The following EIF4G2 variants were observed in gnomAD, a reference collection of about 807,000 sequenced individuals.
EIF4G2 encodes DAP-5.
Under a neutral mutation model 117.7 loss-of-function variants are expected in EIF4G2, and 8 were observed. The observed-to-expected ratio is 0.07, with a 90% CI of 0.04 to 0.12. EIF4G2 has a LOEUF of 0.12. Ranked by LOEUF, EIF4G2 falls within the 10% of genes least tolerant of loss-of-function variation. EIF4G2 has a pLI of 1.00. For synonymous variants in EIF4G2, 413 were observed against 367.8 expected, an observed-to-expected ratio of 1.12 and a Z score of -1.41; for missense variants, 812 against 1,086.2, an observed-to-expected ratio of 0.75 and a Z score of 3.55.
intron 1 of EIF4G2, chr11:10,807,833 A>C: frequency 1.0e-6 from 1 of 989,988 alleles, no homozygotes; most frequent in South Asian, 4.5e-5. Flanking sequence ...CCCCGTGGAG[A>C]GCTCGTGGAA....
chr11:10,806,230 T>C (rs1341238863), intron 3 of EIF4G2, 183 bp from the exon 4 acceptor site: 4 of 788,504 alleles, frequency 5.1e-6, no homozygotes, highest in Non-Finnish European at 2.0e-6. Context: ...GGCTTGTTAA[T>C]ACAGATTGCT....
At chr11:10,804,488 C>T in intron 5 of EIF4G2, 70 bp from the exon 6 acceptor site, 3 of 1,507,882 alleles carry the variant, frequency 2.0e-6, no homozygotes, top group Non-Finnish European at 2.7e-6. Flanking sequence ...AGGAAAAATA[C>T]AACCACCTAA....
intron 11 of EIF4G2, 35 bp from the exon 12 acceptor site, chr11:10,802,470 CTG>C (rs747799818): frequency 6.6e-7 from 1 of 1,521,136 alleles, no homozygotes; most frequent in Non-Finnish European, 8.8e-7. Context: ...CTTTTTGTCT[CTG>C]GACACTATTT....
At chr11:10,799,901 C>G in intron 18 of EIF4G2, 145 bp from the exon 19 acceptor site, 1 of 1,181,592 alleles carries the variant, frequency 8.5e-7, no homozygotes, top group Non-Finnish European at 1.2e-6. Context: ...ATGAAAAAAA[C>G]TCAACATACG....
At chr11:10,808,491 A>C in intron 1 of EIF4G2, 1 of 1,245,938 alleles carries the variant, frequency 8.0e-7, no homozygotes, top group Non-Finnish European at 1.0e-6. Flanking sequence ...CGGCCTGGCC[A>C]ACACTGACGT....
At position 10,797,568 on chromosome 11, in the gene EIF4G2, T is replaced by C. The variant is rs1804174231; in HGVS notation, c.*248A>G. ...TGCCTCTGCTTGAGAACTTATGATGTAATTATTGCATGCTGCTAATATACT... is the reference window on the plus strand; with the variant it reads ...TGCCTCTGCTTGAGAACTTATGATGCAATTATTGCATGCTGCTAATATACT... On this transcript the variant is annotated 3_prime_UTR_variant, in exon 22 of 22. Coordinates refer to ENST00000339995, the MANE Select transcript of EIF4G2 (RefSeq NM_001418.4). This position sits in a 1 kb window ranked among gnomAD's most constrained non-coding sequence, Gnocchi z 4.5. 6.5e-6 allele frequency: 3 copies of C among 459,062 alleles called. No individual in the cohort carries two copies. The highest frequency in any genetic ancestry group is 1.2e-5 in the Non-Finnish European group (3 of 256,888). 28.4% of individuals were successfully genotyped at this position (459,062 alleles called of 1,614,324 possible).
chr11:10,805,077 T>C lies in EIF4G2; in HGVS notation c.249-62A>G, dbSNP rs1590044094. The C allele has an allele frequency of 2.3e-6, 3 of 1,292,612 alleles. No homozygotes were observed. In the East Asian group the frequency reaches 7.0e-5, roughly 30 times the overall value. The allele number at this position is 1,292,612 out of a possible 1,614,324, so 80.1% of individuals were successfully genotyped here. On this transcript the variant is annotated intron_variant, in intron 4 of 21. Transcript: ENST00000339995. ...ATACACAGAATTTGAATTGAAAAAC[T>C]GCTTTTAAATTATACTGATTTTTCT...
In EIF4G2 at chr11:10,797,886, AAATT is replaced by A. The variant is rs1312141353; in HGVS notation, c.2659-9_2659-6del. On this transcript the variant is annotated splice_polypyrimidine_tract_variant and splice_region_variant and intron_variant, in intron 21 of 21. Transcript: ENST00000339995. This position sits in a 1 kb window ranked among gnomAD's most constrained non-coding sequence, Gnocchi z 4.5. ...CCAGGTTAGCCACTGATTCACCTAT[AAATT>A]AAGATTTGTAAATTAAAATAGTTCA... 1 of 1,612,946 alleles carries A rather than the reference AAATT, an allele frequency of 6.2e-7. No individual in the cohort carries two copies. Among genetic ancestry groups the A allele is most frequent in the Non-Finnish European group, 8.5e-7 (1 of 1,179,586 alleles).
chr11:10,799,853 T>C (rs866868764), intron 18 of EIF4G2, 97 bp from the exon 19 acceptor site: 5 of 1,401,728 alleles, frequency 3.6e-6, no homozygotes, highest in Middle Eastern at 3.7e-4. Flanking sequence ...CCCAAGTATG[T>C]AAGATCCATG....
Position 10,802,382 on chromosome 11 carries a change from G to C in EIF4G2, c.1050C>G (p.Phe350Leu). ...GTGGCATGAACGGTCCCTCCAGAAA[G>C]AAGTCACTTCTCATCCCTTGAGCCA... Residue 350 changes from phenylalanine to leucine, a missense_variant, in exon 12 of 22, where the codon TTC becomes TTG. Transcript: ENST00000339995. The C allele has an allele frequency of 6.2e-7, 1 of 1,613,842 alleles. No homozygotes were observed.
intron 3 of EIF4G2, chr11:10,806,535 TA>T: frequency 4.9e-6 from 2 of 408,860 alleles, no homozygotes; most frequent in South Asian, 6.9e-5. Context: ...ACTACTTTAC[TA>T]ATAACAATCA....
At chr11:10,801,509 A>T in intron 14 of EIF4G2, 152 bp downstream of exon 14, 1 of 830,776 alleles carries the variant, frequency 1.2e-6, no homozygotes, top group Non-Finnish European at 2.1e-6. Flanking sequence ...GACGCTGGAC[A>T]TTCAAAGAAA....
At chr11:10,807,778 C>T in intron 1 of EIF4G2, 1 of 991,192 alleles carries the variant, frequency 1.0e-6, no homozygotes, top group Non-Finnish European at 1.2e-6. Flanking sequence ...GAGGTCTCTC[C>T]GAAAGCTCTT....
chr11:10,804,648 G>C lies in EIF4G2; in HGVS notation c.352-230C>G, dbSNP rs185046810. The C allele has an allele frequency of 2.5e-4, 154 of 613,864 alleles. 1 individual carries two copies. The highest frequency in any genetic ancestry group is 2.4e-3 in the African/African-American group (133 of 54,480). The allele number at this position is 613,864 out of a possible 1,614,324, so 38.0% of individuals were successfully genotyped here. On this transcript the variant is annotated intron_variant, in intron 5 of 21. Transcript: ENST00000339995. Reference sequence around the variant, plus strand: ...CAATGCATTTCCAAGACCTAAATACGGTGTTTTCCACAAAAGAAAAAGAAC... The same window carrying C: ...CAATGCATTTCCAAGACCTAAATACCGTGTTTTCCACAAAAGAAAAAGAAC...
Position 10,800,192 on chromosome 11 carries a change from G to C in EIF4G2, c.2017C>G (p.Leu673Val), listed in dbSNP as rs1847378455. Residue 673 changes from leucine to valine, a missense_variant, in exon 18 of 22, where the codon CTC (leucine) becomes GTC (valine). Physicochemically the swap from Leu to Val is conservative, Grantham distance 32 (BLOSUM62 1). This residue lies in a region of EIF4G2 where 571 missense variants were observed against 642.3 expected (regional missense o/e 0.89). Coordinates refer to ENST00000339995, the MANE Select transcript of EIF4G2 (RefSeq NM_001418.4). Reference sequence around the variant, plus strand: ...AACTGCTGAAGACAAAGTAGGAAGAGAGGAAAATGGGTGCCACTTTCTAGT... The same window carrying C: ...AACTGCTGAAGACAAAGTAGGAAGACAGGAAAATGGGTGCCACTTTCTAGT... 6.2e-7 allele frequency: 1 copy of C among 1,614,170 alleles called. No homozygotes were observed. The highest frequency in any genetic ancestry group is 8.5e-7 in the Non-Finnish European group (1 of 1,180,026).
intron 5 of EIF4G2, 80 bp downstream of exon 5, chr11:10,804,833 T>TC (rs1847517986): frequency 2.5e-6 from 3 of 1,196,840 alleles, no homozygotes; most frequent in Non-Finnish European, 3.7e-6. Flanking sequence ...TAAGTAGTAA[T>TC]CCAAGTGTAA....
chr11:10,806,062 T>C lies in EIF4G2; in HGVS notation c.108-15A>G, dbSNP rs770807754. On this transcript the variant is annotated splice_polypyrimidine_tract_variant and intron_variant, in intron 3 of 21. Coordinates refer to ENST00000339995, the MANE Select transcript of EIF4G2 (RefSeq NM_001418.4). ...CCAGGAACTCGCTGATTAATAAAAA[T>C]CAGCAAAAACACTTATTGTCACACA... The C allele has an allele frequency of 1.7e-5, 28 of 1,613,992 alleles. No homozygotes were observed. In the Middle Eastern group the frequency reaches 6.6e-4, roughly 38 times the overall value.
rs2135406378 is a variant in EIF4G2, at chr11:10,800,127, A to G, written c.2082T>C (p.Phe694=). 1 of 1,614,046 alleles carries G rather than the reference A, an allele frequency of 6.2e-7. No homozygotes were observed. The highest frequency in any genetic ancestry group is 8.5e-7 in the Non-Finnish European group (1 of 1,180,008). ...TCTGCATATTGACCTTGCTTTGTTGAAAAAGTTCTGTTAACCATTCTCGAT... is the reference window on the plus strand; with the variant it reads ...TCTGCATATTGACCTTGCTTTGTTGGAAAAGTTCTGTTAACCATTCTCGAT... Residue 694 remains phenylalanine (F), a synonymous_variant, in exon 18 of 22, where the codon TTT becomes TTC. Coordinates refer to ENST00000339995, the MANE Select transcript of EIF4G2 (RefSeq NM_001418.4).
chr11:10,805,053 T>C (rs776016606), intron 4 of EIF4G2, 38 bp from the exon 5 acceptor site: 8 of 1,488,766 alleles, frequency 5.4e-6, no homozygotes, highest in Non-Finnish European at 7.5e-6. Flanking sequence ...TGTTAGCTAA[T>C]ACACAGAATT....
Sources: gnomAD v4.1 joint callset for allele counts on GRCh38, gnomAD v4.1.1 for gene constraint, gnomAD v4.1.1 regional missense constraint, Gnocchi (gnomAD v3.1) non-coding constraint, MANE v1.5 for transcripts, NCBI Gene and HGNC (gene_info 2026-07-23, HGNC 2026-07-21) for gene names.